Variants in INPP5A observed in about 807,000 individuals in gnomAD.
The protein encoded by INPP5A is 43 kDa inositol polyphosphate 5-phophatase.
Under a neutral mutation model 65.2 loss-of-function variants are expected in INPP5A, and 14 were observed. The observed-to-expected ratio is 0.21, with a 90% CI of 0.14 to 0.34. The LOEUF is 0.34. Ranked by LOEUF, INPP5A falls within the 10% of genes least tolerant of loss-of-function variation. The probability of loss-of-function intolerance (pLI) is 1.00; values close to 1 mark genes in which losing one functional copy is unlikely to be tolerated. For missense variants in INPP5A, 431 were observed against 545.6 expected (o/e 0.79, Z 2.09); for synonymous variants, 207 against 208.3 (o/e 0.99, Z 0.05).
intron 3 of INPP5A, among the ~76,000 whole-genome samples, chr10:132,647,726 G>A (rs563605740): frequency 6.6e-6 from 1 of 152,172 alleles, no homozygotes; most frequent in Non-Finnish European, 1.5e-5. Context: ...GGGGACATGG[G>A]CTGGGGCACG....
intron 1 of INPP5A, among the ~76,000 whole-genome samples, chr10:132,607,571 C>T (rs1374624555): frequency 1.3e-5 from 2 of 152,260 alleles, no homozygotes; most frequent in Non-Finnish European, 2.9e-5. Context: ...AGCTGGGTTA[C>T]TGGCTGAGCC....
chr10:132,569,586 G>C (rs1281744852), intron 1 of INPP5A, among the ~76,000 whole-genome samples: 3 of 152,196 alleles, frequency 2.0e-5, no homozygotes, highest in Admixed American at 1.3e-4. Flanking sequence ...TCGAACTCCT[G>C]AGTGCAAGCG....
chr10:132,719,046 G>A (rs1188942895), intron 8 of INPP5A, among the ~76,000 whole-genome samples: 4 of 147,598 alleles, frequency 2.7e-5, no homozygotes, highest in Admixed American at 2.7e-4. Context: ...CCTGGGTTCT[G>A]TCTGGGCGCC....
At position 132,704,974 on chromosome 10, in the gene INPP5A, C is replaced by G. The variant is rs79287565; in HGVS notation, c.475-3339C>G. Reference sequence around the variant, plus strand: ...GATGGAGGAAGGGCGTCTGGACAGGCGGCAGGCAGCTCCTCTGGAGTGTGG... The same window carrying G: ...GATGGAGGAAGGGCGTCTGGACAGGGGGCAGGCAGCTCCTCTGGAGTGTGG... On this transcript the variant is annotated intron_variant, in intron 6 of 15. Coordinates refer to ENST00000368594, the MANE Select transcript of INPP5A (RefSeq NM_005539.5). This position sits in a 1 kb window ranked among gnomAD's most constrained non-coding sequence, Gnocchi z 4.5. Among the ~76,000 whole-genome samples the G allele has an allele frequency of 1.3e-5, 2 of 149,238 alleles. No homozygotes were observed. The highest frequency in any genetic ancestry group is 4.9e-5 in the African/African-American group (2 of 40,550).
At chr10:132,681,978 C>T (rs1340703726) in intron 4 of INPP5A, among the ~76,000 whole-genome samples, 2 of 152,286 alleles carry the variant, frequency 1.3e-5, no homozygotes, top group African/African-American at 4.8e-5. Context: ...ATGAGGTACT[C>T]GGATTAGTCA....
At position 132,603,556 on chromosome 10, in the gene INPP5A, T is replaced by C. The variant is rs1226634613; in HGVS notation, c.76-4359T>C. Among the ~76,000 whole-genome samples, 7 of 152,324 alleles carry C rather than the reference T, an allele frequency of 4.6e-5. No homozygotes were observed. The highest frequency in any genetic ancestry group is 2.1e-4 in the South Asian group (1 of 4,824). ...CTTCTGAATTTGAGATAAATATTTA[T>C]TGGTGCAAGAGATAAAGCTCTACAA... On this transcript the variant is annotated intron_variant, in intron 1 of 15. Transcript: ENST00000368594. The surrounding 1 kb of genome is among the most constrained non-coding windows in gnomAD (Gnocchi z 4.2).
At chr10:132,761,551 G>A (rs1371629182) in intron 11 of INPP5A, among the ~76,000 whole-genome samples, 1 of 151,976 alleles carries the variant, frequency 6.6e-6, no homozygotes, top group Non-Finnish European at 1.5e-5. Flanking sequence ...AGCTTGCTGA[G>A]GATGGCATGG....
chr10:132,725,592 A>T (rs532894605), intron 8 of INPP5A, among the ~76,000 whole-genome samples: 1 of 152,166 alleles, frequency 6.6e-6, no homozygotes, highest in African/African-American at 2.4e-5. Flanking sequence ...GCCTCATCCC[A>T]CTGGGCCCTA....
intron 1 of INPP5A, among the ~76,000 whole-genome samples, chr10:132,557,911 C>A (rs915357056): frequency 6.6e-6 from 1 of 152,214 alleles, no homozygotes; most frequent in Admixed American, 6.5e-5. Flanking sequence ...AGGTGAGGCC[C>A]TGTGCTCCCT....
At position 132,682,927 on chromosome 10, in the gene INPP5A, C is replaced by T. The variant is rs563633806; in HGVS notation, c.307-7465C>T. ...TGTGTGTGATCCTATGTGGCGGGCA[C>T]GTGTCTGCCATGACCCAGCAATGCT... On this transcript the variant is annotated intron_variant, in intron 4 of 15. Transcript: ENST00000368594. Among the ~76,000 whole-genome samples, 20 of 151,946 alleles carry T rather than the reference C, an allele frequency of 1.3e-4. No homozygotes were observed. In the East Asian group the frequency reaches 2.7e-3, roughly 21 times the overall value.
Position 132,644,880 on chromosome 10 carries a change from G to A in INPP5A, c.118-988G>A, listed in dbSNP as rs536173581. 2.0e-5 allele frequency among the ~76,000 whole-genome samples: 3 copies of A among 152,196 alleles called. No homozygotes were observed. Among genetic ancestry groups the A allele is most frequent in the Admixed American group, 6.5e-5 (1 of 15,286 alleles). ...GGTTTCCTGCCAGGTGAGATGGTTC[G>A]TGTCCTGGCCTGTCAGGACTCCCAT... On this transcript the variant is annotated intron_variant, in intron 2 of 15. Transcript: ENST00000368594. This position sits in a 1 kb window ranked among gnomAD's most constrained non-coding sequence, Gnocchi z 6.5.
At chr10:132,646,823 C>T (rs941954566) in intron 3 of INPP5A, among the ~76,000 whole-genome samples, 4 of 152,142 alleles carry the variant, frequency 2.6e-5, no homozygotes, top group African/African-American at 4.8e-5. Context: ...CACTGTGGGC[C>T]GACGCTGCTG....
intron 1 of INPP5A, among the ~76,000 whole-genome samples, chr10:132,577,693 G>A (rs937939146): frequency 1.3e-5 from 2 of 152,258 alleles, no homozygotes; most frequent in Non-Finnish European, 2.9e-5. Context: ...CCCCTGAGGA[G>A]ATGGATGAGG....
At position 132,572,237 on chromosome 10, in the gene INPP5A, A is replaced by AT. The variant is rs536135512; in HGVS notation, c.75+34067dup. Among the ~76,000 whole-genome samples the AT allele has an allele frequency of 3.1e-3, 468 of 152,340 alleles. 2 individuals carry two copies. The highest frequency in any genetic ancestry group is 0.011 in the African/African-American group (452 of 41,574). On this transcript the variant is annotated intron_variant, in intron 1 of 15. Transcript: ENST00000368594. ...ACTCAGAGGAAAACGCCTGTGGCCC[A>AT]TGGGGGGGCCTTCAGAAGAATGTCG...
At chr10:132,570,284 G>A (rs915060181) in intron 1 of INPP5A, among the ~76,000 whole-genome samples, 2 of 152,240 alleles carry the variant, frequency 1.3e-5, no homozygotes, top group Non-Finnish European at 2.9e-5. Context: ...GCCTTGAGCT[G>A]TGAGCTCTCA....
intron 11 of INPP5A, among the ~76,000 whole-genome samples, chr10:132,752,168 C>A: frequency 6.9e-6 from 1 of 144,094 alleles, no homozygotes; most frequent in Middle Eastern, 3.5e-3. Context: ...GGGCTGCCGT[C>A]GTTTGGAGGA....
rs889062871 is a variant in INPP5A, at chr10:132,783,478, A to G, written c.*1449A>G. 2.0e-5 allele frequency: 3 copies of G among 152,400 alleles called. No homozygotes were observed. The highest frequency in any genetic ancestry group is 4.8e-5 in the African/African-American group (2 of 41,428). The allele number at this position is 152,400 out of a possible 1,614,324, so 9.4% of individuals were successfully genotyped here. A position where few individuals can be genotyped will look rare whatever the true frequency, so the allele number is the denominator to read the frequency against. ...AGCAATAAAATTGACCGTGGTGAAA[A>G]TAGTCCCGTGTTGCTTTTTCTTCCT... On this transcript the variant is annotated 3_prime_UTR_variant, in exon 16 of 16. Transcript: ENST00000368594.
intron 8 of INPP5A, among the ~76,000 whole-genome samples, chr10:132,718,716 C>A (rs548739803): frequency 7.6e-5 from 11 of 144,474 alleles, no homozygotes; most frequent in Non-Finnish European, 1.4e-4. Flanking sequence ...GGTTGTCTGG[C>A]GGGTTCTGTG....
chr10:132,700,983 G>A (rs540856579), intron 6 of INPP5A, among the ~76,000 whole-genome samples: 7 of 152,232 alleles, frequency 4.6e-5, no homozygotes, highest in Non-Finnish European at 7.4e-5. Context: ...CCTTTTGCCC[G>A]TAGTGAGAAA....
Sources: allele counts gnomAD v4.1 joint callset (sites outside exome capture counted in the v4.1 genomes callset), GRCh38; gene constraint gnomAD v4.1.1; non-coding constraint Gnocchi (gnomAD v3.1); transcripts MANE v1.5; gene names NCBI Gene and HGNC (gene_info 2026-07-23, HGNC 2026-07-21).